RNF103: variants seen among roughly 807,000 people sequenced by gnomAD.
RNF103 encodes ring finger protein 103, also known as E3 ubiquitin-protein ligase RNF103.
A neutral mutation model predicts 66.2 loss-of-function variants in RNF103; 23 were observed. The observed-to-expected ratio is 0.35, with a 90% CI of 0.25 to 0.49. The LOEUF is 0.49. RNF103 is among the 20% of genes least tolerant of loss of function. RNF103 has a pLI of 0.98. For synonymous variants in RNF103, 297 were observed against 289.9 expected (o/e 1.02, Z -0.25); for missense variants, 730 against 814.7 (o/e 0.90, Z 1.27).
intron 3 of RNF103, among the ~76,000 whole-genome samples, chr2:86,606,644 C>CAGAGCAA (rs1678570489): frequency 9.0e-6 from 1 of 110,688 alleles, no homozygotes; most frequent in Non-Finnish European, 1.7e-5. Flanking sequence ...GCCTGGGCGA[C>CAGAGCAA]AGAGCAAAAC....
intron 2 of RNF103, chr2:86,617,043 GA>G: frequency 1.0e-6 from 1 of 985,352 alleles, no homozygotes; most frequent in Non-Finnish European, 1.2e-6. Context: ...GGACAAAGGA[GA>G]AAAACAATGT....
At chr2:86,606,084 T>G (rs902282207) in intron 3 of RNF103, among the ~76,000 whole-genome samples, 4 of 152,202 alleles carry the variant, frequency 2.6e-5, no homozygotes, top group African/African-American at 9.6e-5. Context: ...CCATATATTT[T>G]TGTATTCTCT....
At chr2:86,617,620 G>A in intron 2 of RNF103, 1 of 973,894 alleles carries the variant, frequency 1.0e-6, no homozygotes, top group Non-Finnish European at 1.2e-6. Flanking sequence ...CAGATAAGGG[G>A]GGACTACTGT....
chr2:86,615,537 T>TATAA (rs1553415795), intron 2 of RNF103, among the ~76,000 whole-genome samples: 5 of 145,844 alleles, frequency 3.4e-5, no homozygotes, highest in East Asian at 4.1e-4. Context: ...TATATATATA[T>TATAA]AATATATATA....
chr2:86,605,241 A>C lies in RNF103; in HGVS notation c.660T>G (p.Ala220=). 1.2e-6 allele frequency: 2 copies of C among 1,614,130 alleles called. No individual in the cohort carries two copies. The highest frequency in any genetic ancestry group is 1.7e-6 in the Non-Finnish European group (2 of 1,180,032). ...AASRIKTIYN[A]EHLKEEWNKS... is the part of the protein sequence containing the mutation. Reference sequence around the variant, plus strand: ...TATTCCATTCTTCTTTCAAGTGTTCAGCATTATAAATGGTTTTGATCCGAG... The same window carrying C: ...TATTCCATTCTTCTTTCAAGTGTTCCGCATTATAAATGGTTTTGATCCGAG... The change falls in exon 4 of 4, where the codon GCT becomes GCG. Residue 220 remains alanine (A), a synonymous_variant. Coordinates refer to ENST00000237455, the MANE Select transcript of RNF103 (RefSeq NM_005667.4).
rs115701288 is a variant in RNF103, at chr2:86,614,889, T to C, written c.367-2615A>G. The C allele has an allele frequency of 9.3e-4, 912 of 985,418 alleles. 5 individuals are homozygous for C. The African/African-American group carries it at 0.012, about 13-fold the overall frequency. The allele number at this position is 985,418 out of a possible 1,614,324, so 61.0% of individuals were successfully genotyped here. A position where few individuals can be genotyped will look rare whatever the true frequency, so the allele number is the denominator to read the frequency against. On this transcript the variant is annotated intron_variant, in intron 2 of 3. Coordinates refer to ENST00000237455, the MANE Select transcript of RNF103 (RefSeq NM_005667.4). ...GCATTATCCCATTTCTTGATCAAGG[T>C]TGCAAATAACCCAAACATTTCAGGT...
chr2:86,621,356 T>C (rs988075586), intron 1 of RNF103, among the ~76,000 whole-genome samples: 2 of 152,196 alleles, frequency 1.3e-5, no homozygotes, highest in Non-Finnish European at 2.9e-5. Context: ...AAAAAAATGA[T>C]GGCTTTGGCA....
chr2:86,603,611 C>A lies in RNF103; in HGVS notation c.*232G>T. 3.8e-6 allele frequency: 2 copies of A among 524,920 alleles called. No individual in the cohort carries two copies. The highest frequency in any genetic ancestry group is 3.3e-5 in the South Asian group (1 of 30,344). The allele number at this position is 524,920 out of a possible 1,614,324, so 32.5% of individuals were successfully genotyped here. ...TACTTCTTTTGTGCTTACAAAAAAA[C>A]ATTAACTTCTGAATTTCCAATGTTG... On this transcript the variant is annotated 3_prime_UTR_variant, in exon 4 of 4. Transcript: ENST00000237455.
Position 86,604,694 on chromosome 2 carries a change from C to T in RNF103, c.1207G>A (p.Ala403Thr), listed in dbSNP as rs1227192264. Reference sequence around the variant, plus strand: ...ATCCAGTCTGCCCTTACCCATGAAGCCAGTGTGGTTGTATTGGAATATCTC... The same window carrying T: ...ATCCAGTCTGCCCTTACCCATGAAGTCAGTGTGGTTGTATTGGAATATCTC... Reference protein sequence around the residue: ...LLRYSNTTTLASWVRADWMFY... With the variant: ...LLRYSNTTTLTSWVRADWMFY... The change falls in exon 4 of 4, where the codon GCT becomes ACT. Residue 403 changes from alanine (A) to threonine (T), a missense_variant. This residue lies in a region of RNF103 where 355 missense variants were observed against 351.9 expected (regional missense o/e 1.01). Coordinates refer to ENST00000237455, the MANE Select transcript of RNF103 (RefSeq NM_005667.4). 1 of 1,614,130 alleles carries T rather than the reference C, an allele frequency of 6.2e-7. No homozygotes were observed. Among genetic ancestry groups the T allele is most frequent in the Admixed American group, 1.7e-5 (1 of 60,012 alleles).
chr2:86,614,368 G>A (rs1230190602), intron 2 of RNF103: 1 of 152,232 alleles, frequency 6.6e-6, no homozygotes, highest in African/African-American at 2.4e-5. Flanking sequence ...TTTGGAGGCT[G>A]AGGCTGGTGG....
chr2:86,616,198 C>T (rs1051799127), intron 2 of RNF103, among the ~76,000 whole-genome samples: 5 of 152,178 alleles, frequency 3.3e-5, no homozygotes, highest in South Asian at 4.1e-4. Context: ...ACTGATCAAA[C>T]CATGTGGCAT....
At chr2:86,617,875 A>G in intron 2 of RNF103, 2 of 1,091,670 alleles carry the variant, frequency 1.8e-6, no homozygotes, top group Non-Finnish European at 2.4e-6. Context: ...TGCCAAGGAC[A>G]GGGTTTCAAT....
At position 86,623,020 on chromosome 2, in the gene RNF103, T is replaced by G; in HGVS notation, c.-134A>C. The G allele has an allele frequency of 1.5e-6, 2 of 1,346,478 alleles. No individual in the cohort carries two copies. The highest frequency in any genetic ancestry group is 3.2e-5 in the East Asian group (1 of 31,742). The allele number at this position is 1,346,478 out of a possible 1,614,324, so 83.4% of individuals were successfully genotyped here. On this transcript the variant is annotated 5_prime_UTR_variant, in exon 1 of 4. Coordinates refer to ENST00000237455, the MANE Select transcript of RNF103 (RefSeq NM_005667.4). The stretch of plus-strand genomic sequence containing the variant: ...CGCGCGGGCCACCCGGCGCCGTCAC[T>G]GGCCGGCCATCCCCGGCGGGGAAGC...
Position 86,623,535 on chromosome 2 carries a change from C to A in RNF103, c.-649G>T, listed in dbSNP as rs953227186. The A allele has an allele frequency of 3.0e-6, 3 of 984,634 alleles. No homozygotes were observed. The highest frequency in any genetic ancestry group is 3.5e-5 in the African/African-American group (2 of 57,052). 61.0% of individuals were successfully genotyped at this position (984,634 alleles called of 1,614,324 possible). ...GACCGCCCAGGCTCCGCGAGAAGAG[C>A]GGCGGGCACGGCGGCGGCTCCAGGT... is the stretch of plus-strand genomic sequence containing the variant. On this transcript the variant is annotated 5_prime_UTR_variant, in exon 1 of 4. Transcript: ENST00000237455.
intron 2 of RNF103, among the ~76,000 whole-genome samples, chr2:86,616,175 G>A (rs1035968175): frequency 6.6e-6 from 1 of 152,126 alleles, no homozygotes; most frequent in African/African-American, 2.4e-5. Context: ...ATTATTTAGA[G>A]GTGAGGTTTA....
In RNF103 at chr2:86,620,434, T is replaced by G. The variant is rs144309518; in HGVS notation, c.262A>C (p.Lys88Gln). The change falls in exon 2 of 4, where the codon AAG becomes CAG. Residue 88 changes from lysine to glutamine, a missense_variant. Physicochemically the swap from Lys to Gln is moderately conservative, Grantham distance 53 (BLOSUM62 1). This residue lies in a region of RNF103 where 327 missense variants were observed against 369.8 expected (regional missense o/e 0.88). Transcript: ENST00000237455. ...LMEGELYSALKEEEASESVSS... is the reference protein window; with the variant it reads ...LMEGELYSALQEEEASESVSS... ...ACCGATTCGGATGCTTCTTCTTCCT[T>G]GAGAGCAGAATAGAGCTCACCCTCC... is the stretch of plus-strand genomic sequence containing the variant. 1.2e-6 allele frequency: 2 copies of G among 1,605,438 alleles called. No individual in the cohort carries two copies. Among genetic ancestry groups the G allele is most frequent in the African/African-American group, 2.7e-5 (2 of 74,836 alleles).
rs1678424840 is a variant in RNF103 at position 86,603,550 on chromosome 2, T to C, written c.*293A>G. The stretch of plus-strand genomic sequence containing the variant: ...GCTCAATTCCATTAGAATTTGATCC[T>C]ATCTTGTAAAGTCTTGCTAGGATAA... On this transcript the variant is annotated 3_prime_UTR_variant, in exon 4 of 4. Transcript: ENST00000237455. The C allele has an allele frequency of 5.8e-6, 2 of 347,774 alleles. No individual in the cohort carries two copies. The highest frequency in any genetic ancestry group is 5.3e-5 in the South Asian group (1 of 18,866). 21.5% of individuals were successfully genotyped at this position (347,774 alleles called of 1,614,324 possible).
chr2:86,611,179 CAA>C (rs397978650), intron 3 of RNF103, among the ~76,000 whole-genome samples: 3 of 131,454 alleles, frequency 2.3e-5, no homozygotes, highest in Admixed American at 1.6e-4. Context: ...AATCCTGTCT[CAA>C]AAAAAAAAAA....
At chr2:86,616,529 T>C (rs1679030298) in intron 2 of RNF103, 4 of 985,244 alleles carry the variant, frequency 4.1e-6, no homozygotes, top group South Asian at 9.4e-5. Flanking sequence ...TTCACCTCCA[T>C]AGCAGTATCA....
Sources: gnomAD v4.1 joint callset for allele counts (sites outside exome capture counted in the v4.1 genomes callset) on GRCh38, gnomAD v4.1.1 for gene constraint, gnomAD v4.1.1 regional missense constraint, MANE v1.5 for transcripts, NCBI Gene and HGNC (gene_info 2026-07-23, HGNC 2026-07-21) for gene names.